Variants in GNG12 observed in about 807,000 individuals in gnomAD.
GNG12 encodes the protein G protein subunit gamma 12.
For missense variants in GNG12, 69 were observed against 83.8 expected (o/e 0.82, Z 0.69); for synonymous variants, 28 against 29.7 (o/e 0.94, Z 0.19).
chr1:67,764,766 T>C (rs1464131481), intron 2 of GNG12, among the ~76,000 whole-genome samples: 2 of 152,196 alleles, frequency 1.3e-5, no homozygotes, highest in African/African-American at 4.8e-5. Flanking sequence ...AAGATGGGTG[T>C]TCATGCAAAA....
At chr1:67,809,381 A>G (rs1646910635) in intron 1 of GNG12, among the ~76,000 whole-genome samples, 2 of 152,152 alleles carry the variant, frequency 1.3e-5, no homozygotes, top group Admixed American at 6.6e-5. Context: ...GGGTATGGCA[A>G]TGGCTTTTTA....
Position 67,769,621 on chromosome 1 carries a change from G to A in GNG12, c.-27+7837C>T, listed in dbSNP as rs891603514. Among the ~76,000 whole-genome samples the A allele has an allele frequency of 3.5e-4, 53 of 152,140 alleles. 1 individual carries two copies. The highest frequency in any genetic ancestry group is 3.5e-3 in the Admixed American group (53 of 15,276). ...TTCCAAATACTAGCTTTCTGCTGGA[G>A]TTATACAGGTGCACGTTGGTATGCA... On this transcript the variant is annotated intron_variant, in intron 2 of 3. Transcript: ENST00000370982.
intron 1 of GNG12, among the ~76,000 whole-genome samples, chr1:67,791,671 G>A (rs1274828446): frequency 6.6e-6 from 1 of 152,048 alleles, no homozygotes; most frequent in African/African-American, 2.4e-5. Context: ...ATCCAATCAT[G>A]CGTTGGCATC....
At chr1:67,740,220 A>G (rs539798111) in intron 2 of GNG12, among the ~76,000 whole-genome samples, 14 of 152,358 alleles carry the variant, frequency 9.2e-5, no homozygotes, top group South Asian at 6.2e-4. Context: ...AACATACACA[A>G]ATGAATTAAT....
At chr1:67,727,884 T>C (rs1646396078) in intron 2 of GNG12, among the ~76,000 whole-genome samples, 1 of 152,228 alleles carries the variant, frequency 6.6e-6, no homozygotes, top group African/African-American at 2.4e-5. Context: ...ATAAGTTTTT[T>C]TGCAGTTAAT....
At chr1:67,817,272 C>A (rs1646958225) in intron 1 of GNG12, among the ~76,000 whole-genome samples, 1 of 152,222 alleles carries the variant, frequency 6.6e-6, no homozygotes, top group Non-Finnish European at 1.5e-5. Context: ...CAGGTAAACA[C>A]TGATGGTCAG....
At chr1:67,756,067 G>A (rs1646566428) in intron 2 of GNG12, among the ~76,000 whole-genome samples, 1 of 152,166 alleles carries the variant, frequency 6.6e-6, no homozygotes, top group Admixed American at 6.5e-5. Flanking sequence ...CAGGTAAGAC[G>A]AACCCATTGT....
chr1:67,714,581 T>A (rs1446195699), intron 2 of GNG12, among the ~76,000 whole-genome samples: 1 of 152,206 alleles, frequency 6.6e-6, no homozygotes, highest in Non-Finnish European at 1.5e-5. Flanking sequence ...CTGTGTGAAG[T>A]ACACCCAGCA....
At chr1:67,786,724 C>A (rs965510646) in intron 1 of GNG12, among the ~76,000 whole-genome samples, 5 of 151,988 alleles carry the variant, frequency 3.3e-5, no homozygotes, top group Non-Finnish European at 7.4e-5. Flanking sequence ...GGGTTCGAGA[C>A]CAGCCTGGGC....
At chr1:67,767,329 C>A (rs944563553) in intron 2 of GNG12, among the ~76,000 whole-genome samples, 58 of 152,274 alleles carry the variant, frequency 3.8e-4, no homozygotes, top group African/African-American at 1.2e-3. Context: ...AGGGCCTGAG[C>A]TCCTCCCGCT....
chr1:67,747,987 T>C (rs1646516623), intron 2 of GNG12, among the ~76,000 whole-genome samples: 1 of 152,232 alleles, frequency 6.6e-6, no homozygotes, highest in Admixed American at 6.5e-5. Context: ...ACAGTTCTAT[T>C]CACTGGGGCA....
At chr1:67,736,710 G>T (rs368134588) in intron 2 of GNG12, among the ~76,000 whole-genome samples, 1 of 152,334 alleles carries the variant, frequency 6.6e-6, no homozygotes, top group Non-Finnish European at 1.5e-5. Flanking sequence ...GGTAAGAACC[G>T]TCTGGATCCA....
At chr1:67,820,087 TA>T (rs34568221) in intron 1 of GNG12, among the ~76,000 whole-genome samples, 246 of 145,218 alleles carry the variant, frequency 1.7e-3, no homozygotes, top group Middle Eastern at 3.6e-3. Flanking sequence ...TTTGCTGAAT[TA>T]AAAAAAAAAA....
At chr1:67,711,862 G>C (rs548321145) in intron 2 of GNG12, among the ~76,000 whole-genome samples, 1 of 152,300 alleles carries the variant, frequency 6.6e-6, no homozygotes, top group Admixed American at 6.5e-5. Flanking sequence ...TGTACACTGG[G>C]CCACTGGAAA....
At chr1:67,812,232 A>G (rs1485983279) in intron 1 of GNG12, among the ~76,000 whole-genome samples, 1 of 146,352 alleles carries the variant, frequency 6.8e-6, no homozygotes, top group Non-Finnish European at 1.5e-5. Context: ...AGCTTATTGG[A>G]AAAAAAAATC....
At chr1:67,793,627 T>C (rs7537230) in intron 1 of GNG12, among the ~76,000 whole-genome samples, 14,188 of 152,162 alleles carry the variant, frequency 0.093, 803 homozygotes, top group Non-Finnish European at 0.099. Context: ...TCTGCATCCC[T>C]CTCGGGCTGT....
At chr1:67,774,411 C>T (rs1646692828) in intron 2 of GNG12, among the ~76,000 whole-genome samples, 2 of 152,214 alleles carry the variant, frequency 1.3e-5, no homozygotes, top group African/African-American at 4.8e-5. Flanking sequence ...AAGACAGCTA[C>T]ATACATCAGA....
rs61754629 is a variant in GNG12, at chr1:67,707,651, G to A, written c.36C>T (p.Ala12=). 5,645 of 1,607,740 alleles carry A rather than the reference G, an allele frequency of 3.5e-3. 30 individuals are homozygous for A. The highest frequency in any genetic ancestry group is 3.4e-3 in the Non-Finnish European group (3,967 of 1,177,478). Residue 12 remains alanine (A), a synonymous_variant, in exon 3 of 4, where the codon GCC becomes GCT. Transcript: ENST00000370982. ...SSKTASTNNI[A]QARRTVQQLR... is the part of the protein sequence containing the mutation. ...ACTGCTGCACAGTTCTCCTTGCCTG[G>A]GCTATATTGTTGGTGCTTGCTGTTT... is the stretch of plus-strand genomic sequence containing the variant.
At chr1:67,714,649 C>T (rs1009864970) in intron 2 of GNG12, among the ~76,000 whole-genome samples, 9 of 152,164 alleles carry the variant, frequency 5.9e-5, no homozygotes, top group Non-Finnish European at 1.3e-4. Context: ...TCCTAGCATG[C>T]CTCACTGGAC....
Sources: gnomAD v4.1 joint callset for allele counts (sites outside exome capture counted in the v4.1 genomes callset) on GRCh38, gnomAD v4.1.1 for gene constraint, MANE v1.5 for transcripts, NCBI Gene and HGNC (gene_info 2026-07-23, HGNC 2026-07-21) for gene names.